Variants in PROM1 observed in about 807,000 individuals in gnomAD.
PROM1 encodes prominin-1.
PROM1 carries 105 observed loss-of-function variants against 116.9 expected under a neutral mutation model. That is an observed-to-expected ratio of 0.90 (90% CI 0.77 to 1.06). The LOEUF is 1.06. Among genes scored for constraint, PROM1 ranks in the 50% least tolerant of loss-of-function variants. The pLI, the probability that PROM1 is intolerant of heterozygous loss-of-function variation, is 0.00. For missense variants in PROM1, 1,122 were observed against 1,045.2 expected (o/e 1.07, Z -1.01); for synonymous variants, 393 against 387.0 (o/e 1.02, Z -0.18).
At chr4:16,004,562 CA>C (rs1724676251) in intron 13 of PROM1, among the ~76,000 whole-genome samples, 1 of 152,012 alleles carries the variant, frequency 6.6e-6, no homozygotes, top group Non-Finnish European at 1.5e-5. Context: ...CACACCCCAC[CA>C]AAACACTAAC....
At chr4:15,991,701 G>A (rs760375240) in intron 17 of PROM1, among the ~76,000 whole-genome samples, 32 of 151,516 alleles carry the variant, frequency 2.1e-4, no homozygotes, top group Non-Finnish European at 2.7e-4. Flanking sequence ...TTGGGAGGCC[G>A]AGGTGGGCAG....
At chr4:15,993,524 G>A (rs1179220594) in intron 16 of PROM1, among the ~76,000 whole-genome samples, 1 of 152,192 alleles carries the variant, frequency 6.6e-6, no homozygotes, top group Non-Finnish European at 1.5e-5. Flanking sequence ...AGTTCACACT[G>A]GAGTCCTGGG....
intron 2 of PROM1, among the ~76,000 whole-genome samples, chr4:16,047,969 T>C (rs1157177028): frequency 6.6e-6 from 1 of 152,182 alleles, no homozygotes; most frequent in Non-Finnish European, 1.5e-5. Context: ...TGCACTCAAT[T>C]CAAAGGCCTG....
chr4:15,981,344 G>A (rs1053536672), intron 23 of PROM1, among the ~76,000 whole-genome samples: 1 of 151,528 alleles, frequency 6.6e-6, no homozygotes, highest in African/African-American at 2.4e-5. Flanking sequence ...GCCGAGGCAG[G>A]CGGATCACGA....
intron 2 of PROM1, among the ~76,000 whole-genome samples, chr4:16,048,725 G>T (rs1224574132): frequency 6.6e-6 from 1 of 152,120 alleles, no homozygotes; most frequent in Non-Finnish European, 1.5e-5. Context: ...AACTCACTCT[G>T]CAAGTAAGGA....
intron 26 of PROM1, among the ~76,000 whole-genome samples, chr4:15,974,462 A>G (rs917363447): frequency 6.6e-6 from 1 of 152,216 alleles, no homozygotes; most frequent in East Asian, 1.9e-4. Context: ...AAAAAAAACT[A>G]GTTTATGAAA....
rs903486060 is a variant in PROM1 at position 15,968,421 on chromosome 4, G to A, written c.*972C>T. 2.0e-5 allele frequency: 3 copies of A among 152,144 alleles called. No individual in the cohort carries two copies. Among genetic ancestry groups the A allele is most frequent in the African/African-American group, 7.2e-5 (3 of 41,442 alleles). 9.4% of individuals were successfully genotyped at this position (152,144 alleles called of 1,614,324 possible). On this transcript the variant is annotated 3_prime_UTR_variant, in exon 28 of 28. Transcript: ENST00000447510. ...CCTGAAGCAAATGAATATTTACCTT[G>A]TGCTTTCATGCAAATTTAGGGACCA...
intron 7 of PROM1, 22 bp from the exon 8 acceptor site, chr4:16,023,437 G>A: frequency 6.5e-7 from 1 of 1,546,802 alleles, no homozygotes; most frequent in South Asian, 1.2e-5. Flanking sequence ...TAAGCACAAA[G>A]ATGGTGAGGG....
At chr4:16,043,546 G>A (rs946519089) in intron 2 of PROM1, among the ~76,000 whole-genome samples, 2 of 152,190 alleles carry the variant, frequency 1.3e-5, no homozygotes, top group African/African-American at 4.8e-5. Flanking sequence ...TTGGTCTGGA[G>A]TCACTGCCAC....
intron 2 of PROM1, among the ~76,000 whole-genome samples, chr4:16,063,014 A>G (rs1198741409): frequency 6.6e-6 from 1 of 152,226 alleles, no homozygotes; most frequent in Non-Finnish European, 1.5e-5. Flanking sequence ...AGTGATCATC[A>G]TCACTGCCAA....
Position 16,018,425 on chromosome 4 carries a change from T to G in PROM1, c.900A>C (p.Ser300=). ...SLTSVKTSLR[S]SLNDPLCLVH... ...CCAAGCACAGAGGGTCATTGAGAGA[T>G]GACCGCAGGCTAGTTTTCACGCTGG... The change falls in exon 9 of 28, where the codon TCA becomes TCC. Residue 300 remains serine, a synonymous_variant. Coordinates refer to ENST00000447510, the MANE Select transcript of PROM1 (RefSeq NM_006017.3). The G allele has an allele frequency of 6.2e-7, 1 of 1,613,900 alleles. No homozygotes were observed. The highest frequency in any genetic ancestry group is 8.5e-7 in the Non-Finnish European group (1 of 1,179,896).
chr4:16,080,213 T>C (rs1018985789), intron 1 of PROM1, among the ~76,000 whole-genome samples: 8 of 148,326 alleles, frequency 5.4e-5, no homozygotes, highest in Non-Finnish European at 7.5e-5. Context: ...GAACTGCATT[T>C]CAATACTGGT....
At chr4:16,077,343 C>A (rs542958882) in intron 1 of PROM1, among the ~76,000 whole-genome samples, 1 of 152,296 alleles carries the variant, frequency 6.6e-6, no homozygotes, top group South Asian at 2.1e-4. Flanking sequence ...TAATTCTTTA[C>A]CTTGTCTATG....
intron 2 of PROM1, among the ~76,000 whole-genome samples, chr4:16,047,004 T>C (rs1408370478): frequency 6.6e-6 from 1 of 152,132 alleles, no homozygotes; most frequent in African/African-American, 2.4e-5. Flanking sequence ...GACAGTAATA[T>C]AGATATTCAG....
chr4:15,973,366 G>C (rs1715152954), intron 26 of PROM1, among the ~76,000 whole-genome samples: 1 of 152,170 alleles, frequency 6.6e-6, no homozygotes, highest in South Asian at 2.1e-4. Flanking sequence ...AGAATCGCTT[G>C]AACCCAGGAG....
chr4:16,013,491 G>A (rs1171832773), intron 10 of PROM1, among the ~76,000 whole-genome samples, 153 bp from the exon 11 acceptor site: 2 of 152,118 alleles, frequency 1.3e-5, no homozygotes, highest in African/African-American at 4.8e-5. Context: ...GTCATCAAGA[G>A]TCTAAAAAAA....
chr4:16,011,641 C>T (rs182059151), intron 11 of PROM1, among the ~76,000 whole-genome samples: 2 of 152,300 alleles, frequency 1.3e-5, no homozygotes, highest in East Asian at 3.9e-4. Context: ...AAAAATTAAA[C>T]ACAGAGATTA....
At chr4:16,058,864 A>T (rs1739648212) in intron 2 of PROM1, among the ~76,000 whole-genome samples, 1 of 152,202 alleles carries the variant, frequency 6.6e-6, no homozygotes, top group Non-Finnish European at 1.5e-5. Context: ...ATAATTTTTC[A>T]GTTAAAAGGC....
chr4:15,979,498 T>C (rs780302020), intron 25 of PROM1, 35 bp from the exon 26 acceptor site: 36 of 1,585,594 alleles, frequency 2.3e-5, no homozygotes, highest in Non-Finnish European at 2.9e-5. Context: ...AAACACCATG[T>C]TATCTCTAAG....
Sources: gnomAD v4.1 joint callset for allele counts (sites outside exome capture counted in the v4.1 genomes callset) on GRCh38, gnomAD v4.1.1 for gene constraint, MANE v1.5 for transcripts, NCBI Gene and HGNC (gene_info 2026-07-23, HGNC 2026-07-21) for gene names.